Variants in RPRD2 observed in about 807,000 individuals in gnomAD.
RPRD2 encodes regulation of nuclear pre-mRNA domain-containing protein 2.
In RPRD2, 12 loss-of-function variants were observed where a neutral mutation model predicts 104.4. That is an observed-to-expected ratio of 0.11 (90% CI 0.07 to 0.19). The LOEUF (loss-of-function observed/expected upper bound fraction) is 0.19. Ranked by LOEUF, RPRD2 falls within the 10% of genes least tolerant of loss-of-function variation. The pLI is 1.00. For synonymous variants in RPRD2, 714 were observed against 684.9 expected, an observed-to-expected ratio of 1.04 and a Z score of -0.66; for missense variants, 1,543 against 1,790.1, an observed-to-expected ratio of 0.86 and a Z score of 2.49.
chr1:150,375,010 CT>C (rs34418501), intron 1 of RPRD2, among the ~76,000 whole-genome samples: 32,729 of 143,332 alleles, frequency 0.23, 4,021 homozygotes, highest in African/African-American at 0.32. Flanking sequence ...CCTAAGTCAC[CT>C]TTTTTTTTTT....
intron 2 of RPRD2, among the ~76,000 whole-genome samples, chr1:150,426,549 C>G (rs1665136866): frequency 6.6e-6 from 1 of 152,104 alleles, no homozygotes; most frequent in African/African-American, 2.4e-5. Flanking sequence ...AAGTATCCAT[C>G]TCAAGAAGTT....
chr1:150,476,484 CAA>C lies in RPRD2; in HGVS notation c.*3151_*3152del, dbSNP rs1381386018. The C allele has an allele frequency of 6.6e-6, 1 of 152,168 alleles. No individual in the cohort carries two copies. The highest frequency in any genetic ancestry group is 1.5e-5 in the Non-Finnish European group (1 of 68,026). The allele number at this position is 152,168 out of a possible 1,614,324, so 9.4% of individuals were successfully genotyped here. On this transcript the variant is annotated 3_prime_UTR_variant, in exon 11 of 11. Transcript: ENST00000369068. ...CACGTGTTCGGTGTGGAAAACAAAA[CAA>C]GTACATGCTTTAGAAGCAACAACAA... is the stretch of plus-strand genomic sequence containing the variant.
chr1:150,465,595 G>A (rs782166737), intron 10 of RPRD2, among the ~76,000 whole-genome samples: 4 of 152,144 alleles, frequency 2.6e-5, no homozygotes, highest in Non-Finnish European at 5.9e-5. Context: ...TTCAGTATGA[G>A]CCAAGACTGA....
Position 150,472,144 on chromosome 1 carries a change from C to T in RPRD2, c.3196C>T (p.Arg1066Cys), listed in dbSNP as rs1290506499. ...AGAAGAGCACTACCGCATAGAAACC[C>T]GCGTCTCCTCCTCCTGCTTAGACTT... ...QQEEHYRIETRVSSSCLDLPD... is the reference protein window; with the variant it reads ...QQEEHYRIETCVSSSCLDLPD... The change falls in exon 11 of 11, where the codon CGC (arginine) becomes TGC (cysteine). Residue 1066 changes from arginine to cysteine, a missense_variant. Physicochemically the swap from Arg to Cys is radical, Grantham distance 180. Transcript: ENST00000369068. The T allele has an allele frequency of 5.0e-6, 8 of 1,613,710 alleles. No individual in the cohort carries two copies. Among genetic ancestry groups the T allele is most frequent in the African/African-American group, 1.3e-5 (1 of 74,902 alleles).
At chr1:150,458,083 G>A (rs1164074376) in intron 8 of RPRD2, among the ~76,000 whole-genome samples, 2 of 151,844 alleles carry the variant, frequency 1.3e-5, no homozygotes, top group Admixed American at 1.3e-4. Context: ...GGACGGTCGG[G>A]GGAAAGTAGC....
intron 2 of RPRD2, among the ~76,000 whole-genome samples, chr1:150,426,213 C>G (rs1665116435): frequency 6.6e-6 from 1 of 152,206 alleles, no homozygotes; most frequent in Non-Finnish European, 1.5e-5. Flanking sequence ...AGACATTGCT[C>G]TAGCCAAACG....
chr1:150,371,855 C>T (rs1353713654), intron 1 of RPRD2, among the ~76,000 whole-genome samples: 1 of 152,084 alleles, frequency 6.6e-6, no homozygotes, highest in Non-Finnish European at 1.5e-5. Flanking sequence ...CTTATTTATT[C>T]AAGATTTAGA....
chr1:150,377,174 A>G (rs587763686), intron 1 of RPRD2, among the ~76,000 whole-genome samples: 1 of 151,166 alleles, frequency 6.6e-6, no homozygotes, highest in Non-Finnish European at 1.5e-5. Context: ...TTACGCCACT[A>G]CACTCCAGCC....
At chr1:150,396,222 G>A (rs1380865155) in intron 1 of RPRD2, among the ~76,000 whole-genome samples, 2 of 138,442 alleles carry the variant, frequency 1.4e-5, no homozygotes, top group African/African-American at 5.5e-5. Flanking sequence ...TTGGTAATTT[G>A]TTTGAGTTTA....
intron 10 of RPRD2, among the ~76,000 whole-genome samples, chr1:150,466,011 C>CAAAAAAA (rs71578500): frequency 1.4e-5 from 1 of 69,260 alleles, no homozygotes; most frequent in Non-Finnish European, 2.9e-5. Flanking sequence ...AGACTCAGTC[C>CAAAAAAA]AAAAAAAAAA....
chr1:150,436,805 C>T (rs1177572633), intron 2 of RPRD2, among the ~76,000 whole-genome samples: 1 of 151,058 alleles, frequency 6.6e-6, no homozygotes, highest in Non-Finnish European at 1.5e-5. Context: ...CTCAGGAAGC[C>T]GAGGCAGGAC....
At chr1:150,416,093 A>G (rs1272837128) in intron 1 of RPRD2, among the ~76,000 whole-genome samples, 5 of 152,150 alleles carry the variant, frequency 3.3e-5, no homozygotes, top group African/African-American at 4.8e-5. Flanking sequence ...AATTTTTTGT[A>G]TGTGATTTTA....
At chr1:150,429,185 C>T (rs941486203) in intron 2 of RPRD2, among the ~76,000 whole-genome samples, 6 of 151,404 alleles carry the variant, frequency 4.0e-5, no homozygotes, top group East Asian at 1.9e-4. Context: ...CTTTGCTTCC[C>T]GGGTTCAAGC....
chr1:150,444,898 C>G (rs1666654644), intron 6 of RPRD2, among the ~76,000 whole-genome samples: 1 of 152,178 alleles, frequency 6.6e-6, no homozygotes, highest in African/African-American at 2.4e-5. Context: ...CTGTGCCGTA[C>G]TTTAAATTTA....
At chr1:150,398,963 A>G (rs1662760343) in intron 1 of RPRD2, among the ~76,000 whole-genome samples, 1 of 152,184 alleles carries the variant, frequency 6.6e-6, no homozygotes, top group African/African-American at 2.4e-5. Flanking sequence ...AAAGTCATAA[A>G]GAATTTCTTC....
intron 9 of RPRD2, 148 bp from the exon 10 acceptor site, chr1:150,464,379 T>TG (rs1668129597): frequency 1.1e-5 from 5 of 453,360 alleles, no homozygotes; most frequent in African/African-American, 9.0e-5. Flanking sequence ...TTTTTTTTTT[T>TG]GTACATGTCA....
At chr1:150,388,954 C>T (rs1192883787) in intron 1 of RPRD2, among the ~76,000 whole-genome samples, 1 of 151,990 alleles carries the variant, frequency 6.6e-6, no homozygotes, top group Admixed American at 6.6e-5. Flanking sequence ...TTAGTTTTTA[C>T]CTACTGTTGT....
chr1:150,411,851 C>T (rs587731963), intron 1 of RPRD2, among the ~76,000 whole-genome samples: 3 of 147,844 alleles, frequency 2.0e-5, no homozygotes, highest in South Asian at 2.1e-4. Flanking sequence ...GTAGGCTAGG[C>T]GCGGTGGCTC....
Position 150,417,644 on chromosome 1 carries a change from T to C in RPRD2, c.254T>C (p.Ile85Thr). Reference protein sequence around the residue: ...LNLFYLANDVIQNCKRKNAII... With the variant: ...LNLFYLANDVTQNCKRKNAII... ...CTCTTTTACCTTGCCAATGATGTCATACAGAACTGTAAAAGGAAAAATGCA... is the reference window on the plus strand; with the variant it reads ...CTCTTTTACCTTGCCAATGATGTCACACAGAACTGTAAAAGGAAAAATGCA... Residue 85 changes from isoleucine to threonine, a missense_variant, in exon 2 of 11, where the codon ATA (isoleucine) becomes ACA (threonine). Physicochemically the swap from Ile to Thr is moderately conservative, Grantham distance 89. Transcript: ENST00000369068. 6.2e-7 allele frequency: 1 copy of C among 1,606,592 alleles called. No homozygotes were observed. Among genetic ancestry groups the C allele is most frequent in the Non-Finnish European group, 8.5e-7 (1 of 1,174,960 alleles).
Sources: gnomAD v4.1 joint callset for allele counts (sites outside exome capture counted in the v4.1 genomes callset) on GRCh38, gnomAD v4.1.1 for gene constraint, MANE v1.5 for transcripts, NCBI Gene and HGNC (gene_info 2026-07-23, HGNC 2026-07-21) for gene names.